The following CYP3A7 variants were observed in gnomAD, a reference collection of about 807,000 sequenced individuals.
CYP3A7 encodes cytochrome P450 family 3 subfamily A member 7.
CYP3A7 carries 45 observed loss-of-function variants against 55.2 expected under a neutral mutation model. The observed-to-expected ratio is 0.82, with a 90% confidence interval of 0.64 to 1.05. The LOEUF is 1.05. Among genes scored for constraint, CYP3A7 ranks in the 50% least tolerant of loss-of-function variants. CYP3A7 has a pLI of 0.00. For synonymous variants in CYP3A7, 180 were observed against 207.4 expected (o/e 0.87, Z 1.13); for missense variants, 548 against 605.3 (o/e 0.91, Z 0.99).
At chr7:99,710,918 G>A (rs1296916333) in intron 9 of CYP3A7, 26 bp from the exon 10 acceptor site, 8 of 1,613,174 alleles carry the variant, frequency 5.0e-6, no homozygotes, top group African/African-American at 1.3e-5. Flanking sequence ...AGACATTTTA[G>A]GTAAATCAGG....
rs1813826246 is a variant in CYP3A7 at position 99,713,379 on chromosome 7, A to T, written c.865+90T>A. ...ATTCTGCTATGTGGCAGAAATTCTC[A>T]TCTACCTGGAATACTTCCTGCACAT... On this transcript the variant is annotated intron_variant, in intron 9 of 12. Transcript: ENST00000336374. The T allele has an allele frequency of 1.9e-6, 3 of 1,583,502 alleles. No individual in the cohort carries two copies. The African/African-American group carries it at 4.0e-5, about 21-fold the overall frequency.
intron 1 of CYP3A7, among the ~76,000 whole-genome samples, chr7:99,733,449 C>G (rs1814705253): frequency 6.6e-6 from 1 of 152,118 alleles, no homozygotes; most frequent in South Asian, 2.1e-4. Context: ...CAGAAAAATC[C>G]ATCATCTATT....
chr7:99,709,480 G>A (rs1163691078), intron 10 of CYP3A7, among the ~76,000 whole-genome samples: 1 of 152,094 alleles, frequency 6.6e-6, no homozygotes, highest in African/African-American at 2.4e-5. Flanking sequence ...GAGACATTCG[G>A]GAAGGCTCTA....
chr7:99,721,821 T>G (rs1814210953), intron 3 of CYP3A7, among the ~76,000 whole-genome samples: 1 of 152,210 alleles, frequency 6.6e-6, no homozygotes, highest in South Asian at 2.1e-4. Context: ...AAGAAGGCTA[T>G]GATGAGTGGA....
chr7:99,713,822 C>T (rs1813840956), intron 8 of CYP3A7, among the ~76,000 whole-genome samples: 1 of 152,198 alleles, frequency 6.6e-6, no homozygotes. Context: ...ATTCTTCTGT[C>T]TTCTTCATCA....
Position 99,731,142 on chromosome 7 carries a change from G to A in CYP3A7, c.82C>T (p.Arg28Cys), listed in dbSNP as rs777420600. The change falls in exon 2 of 13, where the codon CGT (arginine) becomes TGT (cysteine). Residue 28 changes from arginine (R) to cysteine (C), a missense_variant. Arg to Cys is a radical substitution (Grantham distance 180). Transcript: ENST00000336374. ...SLILLYLYGT[R>C]THGLFKKLGI... ...AGCTTCTTAAAAAGTCCATGTGTAC[G>A]GGTTCCATATCTACAAAGTGAAACA... is the stretch of plus-strand genomic sequence containing the variant. 1.4e-5 allele frequency: 23 copies of A among 1,613,670 alleles called. No individual in the cohort carries two copies. In the South Asian group the frequency reaches 1.4e-4, roughly 10 times the overall value.
At chr7:99,723,983 C>G (rs1814310314) in intron 2 of CYP3A7, among the ~76,000 whole-genome samples, 1 of 152,164 alleles carries the variant, frequency 6.6e-6, no homozygotes, top group Non-Finnish European at 1.5e-5. Flanking sequence ...GATCATTCAC[C>G]TTGGCACAAG....
In CYP3A7 at chr7:99,713,538, A is replaced by G; in HGVS notation, c.799-3T>C. 1 of 1,613,342 alleles carries G rather than the reference A, an allele frequency of 6.2e-7. No individual in the cohort carries two copies. The highest frequency in any genetic ancestry group is 8.5e-7 in the Non-Finnish European group (1 of 1,179,490). ...AGCTGAAGGAAATCCACTCGGTGCTAGAAGCAAAAAGAGAAATTTTATTGA... is the reference window on the plus strand; with the variant it reads ...AGCTGAAGGAAATCCACTCGGTGCTGGAAGCAAAAAGAGAAATTTTATTGA... On this transcript the variant is annotated splice_polypyrimidine_tract_variant and splice_region_variant and intron_variant, in intron 8 of 12. Coordinates refer to ENST00000336374, the MANE Select transcript of CYP3A7 (RefSeq NM_000765.5).
chr7:99,720,393 G>T lies in CYP3A7; in HGVS notation c.238C>A (p.Pro80Thr). Residue 80 changes from proline to threonine, a missense_variant, in exon 4 of 13, where the codon CCT becomes ACT. By Grantham distance (38) the Pro-to-Thr change is conservative (BLOSUM62 -1). Coordinates refer to ENST00000336374, the MANE Select transcript of CYP3A7 (RefSeq NM_000765.5). ...KVWGIYDCQQ[P>T]MLAITDPDMI... ...TCGGGATCTGTGATAGCCAGCATAG[G>T]CTGTTGACAGTCATAAATACTGTGT... 6.2e-7 allele frequency: 1 copy of T among 1,613,694 alleles called. No individual in the cohort carries two copies. The highest frequency in any genetic ancestry group is 2.2e-5 in the East Asian group (1 of 44,854).
intron 10 of CYP3A7, among the ~76,000 whole-genome samples, chr7:99,710,489 G>T (rs1457669659): frequency 6.6e-6 from 1 of 152,146 alleles, no homozygotes; most frequent in African/African-American, 2.4e-5. Flanking sequence ...TTTTTACTTA[G>T]CATTATTGTG....
intron 2 of CYP3A7, 118 bp downstream of exon 2, chr7:99,730,941 C>G: frequency 7.4e-7 from 1 of 1,355,318 alleles, no homozygotes; most frequent in Non-Finnish European, 1.0e-6. Flanking sequence ...TGCCTACACG[C>G]TATTTCTGAA....
intron 1 of CYP3A7, among the ~76,000 whole-genome samples, chr7:99,734,073 C>CA (rs1814733863): frequency 6.6e-6 from 1 of 152,048 alleles, no homozygotes; most frequent in Non-Finnish European, 1.5e-5. Context: ...AGTCTATCTC[C>CA]AAAAAAATCT....
intron 2 of CYP3A7, among the ~76,000 whole-genome samples, chr7:99,728,843 T>A (rs1197914543): frequency 3.3e-5 from 5 of 152,176 alleles, no homozygotes; most frequent in Non-Finnish European, 5.9e-5. Context: ...CTGTAGCCTT[T>A]CTAATGACTT....
chr7:99,730,930 A>T lies in CYP3A7; in HGVS notation c.165+129T>A, dbSNP rs551673976. On this transcript the variant is annotated intron_variant, in intron 2 of 12. Transcript: ENST00000336374. ...GGTAAACTTTGCCACGCTCTGGGTG[A>T]TGCCTACACGCTATTTCTGAAAGTA... The T allele has an allele frequency of 3.9e-5, 48 of 1,245,446 alleles. 1 individual carries two copies. The South Asian group carries it at 6.7e-4, about 17-fold the overall frequency. 77.1% of individuals were successfully genotyped at this position (1,245,446 alleles called of 1,614,324 possible). A position where few individuals can be genotyped will look rare whatever the true frequency, so the allele number is the denominator to read the frequency against.
chr7:99,708,904 GA>G, intron 11 of CYP3A7, 130 bp downstream of exon 11: 1 of 1,086,692 alleles, frequency 9.2e-7, no homozygotes. Context: ...TCAATTTCAT[GA>G]TTTGAAAAAA....
intron 12 of CYP3A7, among the ~76,000 whole-genome samples, chr7:99,706,729 C>T (rs550803210): frequency 4.9e-4 from 75 of 152,278 alleles, no homozygotes; most frequent in Middle Eastern, 3.4e-3. Flanking sequence ...CACACACATG[C>T]AAATACATGA....
At position 99,731,138 on chromosome 7, in the gene CYP3A7, G is replaced by A; in HGVS notation, c.86C>T (p.Thr29Ile). 6.2e-7 allele frequency: 1 copy of A among 1,613,824 alleles called. No homozygotes were observed. The highest frequency in any genetic ancestry group is 8.5e-7 in the Non-Finnish European group (1 of 1,179,808). The stretch of plus-strand genomic sequence containing the variant: ...TCCAAGCTTCTTAAAAAGTCCATGT[G>A]TACGGGTTCCATATCTACAAAGTGA... The part of the protein sequence containing the change: ...LILLYLYGTR[T>I]HGLFKKLGIP... Residue 29 changes from threonine to isoleucine, a missense_variant, in exon 2 of 13, where the codon ACA (threonine) becomes ATA (isoleucine). By Grantham distance (89) the Thr-to-Ile change is moderately conservative. Transcript: ENST00000336374.
Position 99,722,288 on chromosome 7 carries a change from A to G in CYP3A7, c.218+8T>C, listed in dbSNP as rs779626375. On this transcript the variant is annotated splice_region_variant and intron_variant, in intron 3 of 12. Coordinates refer to ENST00000336374, the MANE Select transcript of CYP3A7 (RefSeq NM_000765.5). ...AGTCTATCCAATGGAATCTTCCAGA[A>G]TACTCACCCCCAGACTTTTCTATAC... 1.2e-6 allele frequency: 2 copies of G among 1,613,656 alleles called. No individual in the cohort carries two copies. The highest frequency in any genetic ancestry group is 2.2e-5 in the South Asian group (2 of 91,072).
chr7:99,733,426 A>G (rs4646462), intron 1 of CYP3A7, among the ~76,000 whole-genome samples: 6,813 of 152,194 alleles, frequency 0.045, 473 homozygotes, highest in East Asian at 0.25. Flanking sequence ...TTTTGTTACA[A>G]TGAAGAGGCT....
Sources: gnomAD v4.1 joint callset for allele counts (sites outside exome capture counted in the v4.1 genomes callset) on GRCh38, gnomAD v4.1.1 for gene constraint, MANE v1.5 for transcripts, NCBI Gene and HGNC (gene_info 2026-07-23, HGNC 2026-07-21) for gene names.